The following FABP9 variants were observed in gnomAD, a reference collection of about 807,000 sequenced individuals.
FABP9 encodes the protein fatty acid binding protein 9.
FABP9 carries 11 observed loss-of-function variants against 14.7 expected under a neutral mutation model. That is an observed-to-expected ratio of 0.75 (90% confidence interval 0.47 to 1.24). The LOEUF (loss-of-function observed/expected upper bound fraction) is 1.24. FABP9 is among the 50% of genes most tolerant of loss of function. The probability of loss-of-function intolerance (pLI) is 0.00; values close to 1 mark genes in which losing one functional copy is unlikely to be tolerated. For synonymous variants in FABP9, 54 were observed against 50.6 expected (o/e 1.07, Z -0.29); for missense variants, 171 against 158.2 (o/e 1.08, Z -0.44).
Position 81,461,438 on chromosome 8 carries a change from T to A in FABP9, c.73+13A>T. 1 of 1,590,292 alleles carries A rather than the reference T, an allele frequency of 6.3e-7. No individual in the cohort carries two copies. The highest frequency in any genetic ancestry group is 8.6e-7 in the Non-Finnish European group (1 of 1,158,354). On this transcript the variant is annotated intron_variant, in intron 1 of 3. Coordinates refer to ENST00000379071, the MANE Select transcript of FABP9 (RefSeq NM_001080526.2). ...GCTTTGCCAATTTCCAAATTTGTAA[T>A]GGTATTTCTCACCCAGTTCTTTCAT...
rs561767088 is a variant in FABP9 at position 81,458,754 on chromosome 8, A to G, written c.247-51T>C. The G allele has an allele frequency of 1.8e-4, 198 of 1,115,478 alleles. 2 individuals are homozygous for G. The South Asian group carries it at 2.6e-3, about 15-fold the overall frequency. 69.1% of individuals were successfully genotyped at this position (1,115,478 alleles called of 1,614,324 possible). ...GTAGCAACTCACTACCTTCTAACCT[A>G]CATGAGACCACATATCTACTTTTTA... On this transcript the variant is annotated intron_variant, in intron 2 of 3. Coordinates refer to ENST00000379071, the MANE Select transcript of FABP9 (RefSeq NM_001080526.2).
chr8:81,460,137 T>C (rs917198637), intron 1 of FABP9, among the ~76,000 whole-genome samples: 1 of 152,208 alleles, frequency 6.6e-6, no homozygotes, highest in Non-Finnish European at 1.5e-5. Flanking sequence ...GTAGCTGGGA[T>C]TACAGGCACA....
At chr8:81,461,384 A>G in intron 1 of FABP9, 67 bp downstream of exon 1, 1 of 1,051,074 alleles carries the variant, frequency 9.5e-7, no homozygotes, top group South Asian at 1.3e-5. Flanking sequence ...AATTCATGGT[A>G]AAGTACAAAC....
chr8:81,459,155 T>C lies in FABP9; in HGVS notation c.246+10A>G, dbSNP rs1265934067. 1.9e-6 allele frequency: 3 copies of C among 1,571,216 alleles called. No homozygotes were observed. The highest frequency in any genetic ancestry group is 1.7e-6 in the Non-Finnish European group (2 of 1,166,870). On this transcript the variant is annotated intron_variant, in intron 2 of 3. Transcript: ENST00000379071. ...CTGATTGTTGAACACCAGGAAGAATTAGTTCTGACCTTTACTTTCCGGTTG... is the reference window on the plus strand; with the variant it reads ...CTGATTGTTGAACACCAGGAAGAATCAGTTCTGACCTTTACTTTCCGGTTG...
chr8:81,459,459 T>C, intron 1 of FABP9, 122 bp from the exon 2 acceptor site: 1 of 865,498 alleles, frequency 1.2e-6, no homozygotes, highest in Non-Finnish European at 1.7e-6. Context: ...TAGTAACTTA[T>C]TTTATGTTTT....
Position 81,458,277 on chromosome 8 carries a change from A to G in FABP9, c.*106T>C, listed in dbSNP as rs1453786283. On this transcript the variant is annotated 3_prime_UTR_variant, in exon 4 of 4. Coordinates refer to ENST00000379071, the MANE Select transcript of FABP9 (RefSeq NM_001080526.2). ...ACTTAATTTGATGCTTTTATTAAGCAAATTTATATTGAGACATTTTTTAAA... is the reference window on the plus strand; with the variant it reads ...ACTTAATTTGATGCTTTTATTAAGCGAATTTATATTGAGACATTTTTTAAA... 2.3e-6 allele frequency: 2 copies of G among 862,904 alleles called. No homozygotes were observed. The highest frequency in any genetic ancestry group is 3.8e-6 in the Non-Finnish European group (2 of 526,662). The allele number at this position is 862,904 out of a possible 1,614,324, so 53.5% of individuals were successfully genotyped here.
At position 81,458,312 on chromosome 8, in the gene FABP9, C is replaced by A; in HGVS notation, c.*71G>T. On this transcript the variant is annotated 3_prime_UTR_variant, in exon 4 of 4. Coordinates refer to ENST00000379071, the MANE Select transcript of FABP9 (RefSeq NM_001080526.2). ...TGAGACATTTTTTAAAAATCACCAG[C>A]CCTGAGGCATATCTTCTTCAGGTAC... The A allele has an allele frequency of 1.7e-6, 2 of 1,163,522 alleles. No homozygotes were observed. Among genetic ancestry groups the A allele is most frequent in the Non-Finnish European group, 2.6e-6 (2 of 774,954 alleles). 72.1% of individuals were successfully genotyped at this position (1,163,522 alleles called of 1,614,324 possible). A position where few individuals can be genotyped will look rare whatever the true frequency, so the allele number is the denominator to read the frequency against.
In FABP9 at chr8:81,459,231, G is replaced by A. The variant is rs563838078; in HGVS notation, c.180C>T (p.Asp60=). 1.2e-4 allele frequency: 194 copies of A among 1,588,294 alleles called. 2 individuals are homozygous for A. The Admixed American group carries it at 3.6e-3, about 29-fold the overall frequency. ...MTIRTESSFQ[D]TKISFKLGEE... ...CCCCCAGCTTGAAGGAGATCTTAGT[G>A]TCCTGGAAAGAACTTTCTGTTCTTA... The change falls in exon 2 of 4, where the codon GAC becomes GAT. Residue 60 remains aspartate, a synonymous_variant. Coordinates refer to ENST00000379071, the MANE Select transcript of FABP9 (RefSeq NM_001080526.2).
intron 1 of FABP9, among the ~76,000 whole-genome samples, chr8:81,460,074 A>G (rs1395234696): frequency 2.6e-5 from 4 of 152,032 alleles, no homozygotes. Context: ...ATCTCAGCTC[A>G]CTGCAACCTC....
intron 1 of FABP9, among the ~76,000 whole-genome samples, chr8:81,459,623 T>A (rs1390113137): frequency 6.6e-6 from 1 of 152,180 alleles, no homozygotes; most frequent in Non-Finnish European, 1.5e-5. Flanking sequence ...CACTTCACCT[T>A]GTGGAGTGTT....
chr8:81,460,601 T>C (rs1360529319), intron 1 of FABP9, among the ~76,000 whole-genome samples: 1 of 152,218 alleles, frequency 6.6e-6, no homozygotes, highest in Non-Finnish European at 1.5e-5. Context: ...ATTATGGGGA[T>C]AAGGCATTGT....
intron 3 of FABP9, 51 bp from the exon 4 acceptor site, chr8:81,458,484 G>T (rs772222538): frequency 6.5e-7 from 1 of 1,527,230 alleles, no homozygotes; most frequent in Non-Finnish European, 9.1e-7. Flanking sequence ...GGCTAAACTT[G>T]CCCTGCCCCT....
At chr8:81,461,349 C>G in intron 1 of FABP9, 102 bp downstream of exon 1, 1 of 854,768 alleles carries the variant, frequency 1.2e-6, no homozygotes, top group East Asian at 2.4e-5. Flanking sequence ...ACCCTAGGAT[C>G]ACAAAAGGAA....
chr8:81,460,335 G>T (rs1158643635), intron 1 of FABP9, among the ~76,000 whole-genome samples: 2 of 152,160 alleles, frequency 1.3e-5, no homozygotes, highest in Admixed American at 6.5e-5. Flanking sequence ...AAAGGGGTTA[G>T]CATGGTACTG....
At position 81,458,359 on chromosome 8, in the gene FABP9, G is replaced by A; in HGVS notation, c.*24C>T. Reference sequence around the variant, plus strand: ...GTACCAGTTCCTTGTCAGTGAACAAGTTTTCATTGCTGTGGACCTTTCTTC... The same window carrying A: ...GTACCAGTTCCTTGTCAGTGAACAAATTTTCATTGCTGTGGACCTTTCTTC... On this transcript the variant is annotated 3_prime_UTR_variant, in exon 4 of 4. Coordinates refer to ENST00000379071, the MANE Select transcript of FABP9 (RefSeq NM_001080526.2). The A allele has an allele frequency of 6.3e-7, 1 of 1,589,822 alleles. No homozygotes were observed. Among genetic ancestry groups the A allele is most frequent in the Non-Finnish European group, 8.6e-7 (1 of 1,158,298 alleles).
At chr8:81,458,527 C>A in intron 3 of FABP9, 75 bp downstream of exon 3, 1 of 1,495,690 alleles carries the variant, frequency 6.7e-7, no homozygotes, top group Non-Finnish European at 9.3e-7. Context: ...ATTCAGGATG[C>A]AAAAACAATT....
intron 1 of FABP9, 65 bp from the exon 2 acceptor site, chr8:81,459,402 T>G: frequency 7.3e-7 from 1 of 1,374,088 alleles, no homozygotes; most frequent in Non-Finnish European, 9.6e-7. Flanking sequence ...GGAAGTCAAT[T>G]TTCAAAGAAT....
chr8:81,458,875 G>A (rs1208013551), intron 2 of FABP9, among the ~76,000 whole-genome samples, 172 bp from the exon 3 acceptor site: 1 of 152,128 alleles, frequency 6.6e-6, no homozygotes, highest in Non-Finnish European at 1.5e-5. Flanking sequence ...TTCAATTAGT[G>A]CTCTTTCCTA....
At chr8:81,460,219 C>T (rs1181667556) in intron 1 of FABP9, among the ~76,000 whole-genome samples, 2 of 152,108 alleles carry the variant, frequency 1.3e-5, no homozygotes, top group African/African-American at 2.4e-5. Flanking sequence ...AGGCTGATCT[C>T]GAACTCCTGA....
Sources: gnomAD v4.1 joint callset for allele counts (sites outside exome capture counted in the v4.1 genomes callset) on GRCh38, gnomAD v4.1.1 for gene constraint, MANE v1.5 for transcripts, NCBI Gene and HGNC (gene_info 2026-07-23, HGNC 2026-07-21) for gene names.